Variants in TRHDE observed in about 807,000 individuals in gnomAD.
TRHDE encodes thyrotropin releasing hormone degrading enzyme, also known as thyrotropin-releasing hormone-degrading ectoenzyme.
TRHDE carries 72 observed loss-of-function variants against 125.7 expected under a neutral mutation model. The observed-to-expected ratio is 0.57, with a 90% CI of 0.47 to 0.70. The LOEUF (loss-of-function observed/expected upper bound fraction) is 0.70, where lower values mean the gene tolerates loss of function less well. Among genes scored for constraint, TRHDE ranks in the 30% least tolerant of loss-of-function variants. The probability of loss-of-function intolerance (pLI) is 0.00; values close to 1 mark genes in which losing one functional copy is unlikely to be tolerated. For synonymous variants in TRHDE, 509 were observed against 509.1 expected, an observed-to-expected ratio of 1.00 and a Z score of 0.00; for missense variants, 1,110 against 1,327.1, an observed-to-expected ratio of 0.84 and a Z score of 2.54.
chr12:72,261,628 TG>T (rs1878952594), intron 2 of TRHDE, among the ~76,000 whole-genome samples: 1 of 152,200 alleles, frequency 6.6e-6, no homozygotes, highest in Non-Finnish European at 1.5e-5. Context: ...CTTTTGCTGC[TG>T]ACATGCTTTC....
chr12:72,518,956 G>T (rs1193636082), intron 6 of TRHDE, among the ~76,000 whole-genome samples: 2 of 152,160 alleles, frequency 1.3e-5, no homozygotes, highest in African/African-American at 2.4e-5. Flanking sequence ...TTTTCTTTAA[G>T]AATGTTGAAT....
In TRHDE at chr12:72,664,652, C is replaced by T. The variant is rs1440147647; in HGVS notation, c.*1457C>T. On this transcript the variant is annotated 3_prime_UTR_variant, in exon 19 of 19. Transcript: ENST00000261180. ...TTACCAGTATAAAATACCAATGCAACTACTCTACATAGCCAAATGTTTGTA... is the reference window on the plus strand; with the variant it reads ...TTACCAGTATAAAATACCAATGCAATTACTCTACATAGCCAAATGTTTGTA... 2 of 152,130 alleles carry T rather than the reference C, an allele frequency of 1.3e-5. No individual in the cohort carries two copies. The highest frequency in any genetic ancestry group is 2.9e-5 in the Non-Finnish European group (2 of 68,012). 9.4% of individuals were successfully genotyped at this position (152,130 alleles called of 1,614,324 possible). A position where few individuals can be genotyped will look rare whatever the true frequency, so the allele number is the denominator to read the frequency against.
chr12:72,597,173 T>C (rs1871976064), intron 12 of TRHDE, among the ~76,000 whole-genome samples: 1 of 152,234 alleles, frequency 6.6e-6, no homozygotes, highest in Non-Finnish European at 1.5e-5. Flanking sequence ...TAAGTGTCTC[T>C]AGTTATACAC....
chr12:72,476,554 G>T (rs1371773081), intron 5 of TRHDE, among the ~76,000 whole-genome samples: 2 of 152,176 alleles, frequency 1.3e-5, no homozygotes, highest in Non-Finnish European at 2.9e-5. Context: ...GTAAGTGCAT[G>T]GCTTAAGGTT....
At chr12:72,430,386 T>C (rs1318585498) in intron 3 of TRHDE, among the ~76,000 whole-genome samples, 1 of 143,234 alleles carries the variant, frequency 7.0e-6, no homozygotes, top group Non-Finnish European at 1.5e-5. Context: ...TATACATGTA[T>C]ATATATACAC....
At chr12:72,310,128 C>T (rs924014038) in intron 2 of TRHDE, among the ~76,000 whole-genome samples, 6 of 152,170 alleles carry the variant, frequency 3.9e-5, no homozygotes, top group Non-Finnish European at 8.8e-5. Context: ...GTCTGGAGCC[C>T]TATTGCCTGT....
intron 2 of TRHDE, among the ~76,000 whole-genome samples, chr12:72,229,982 A>G (rs1185876269): frequency 6.6e-6 from 1 of 152,174 alleles, no homozygotes; most frequent in African/African-American, 2.4e-5. Context: ...TTTTTACAAT[A>G]TAAGAAATGA....
In TRHDE at chr12:72,172,324, C is replaced by T. The variant is rs144480435; in HGVS notation, n.279+66572C>T. On this transcript the variant is annotated intron_variant and non_coding_transcript_variant, in intron 2 of 4. Coordinates refer to the TRHDE transcript ENST00000548156. The stretch of plus-strand genomic sequence containing the variant: ...CCTTGATTCAAGAATTACTGCATGC[C>T]AGATACAATTCTAAGCCTTTCACAA... Among the ~76,000 whole-genome samples the T allele has an allele frequency of 1.1e-3, 160 of 152,238 alleles. 1 individual carries two copies. The highest frequency in any genetic ancestry group is 3.7e-3 in the African/African-American group (155 of 41,536).
At chr12:72,609,241 G>A (rs747346284) in intron 12 of TRHDE, among the ~76,000 whole-genome samples, 83 of 152,178 alleles carry the variant, frequency 5.5e-4, no homozygotes, top group Non-Finnish European at 8.5e-4. Context: ...AAATCATTCC[G>A]AACATGTAAA....
At chr12:72,336,985 A>T (rs1307017872) in intron 2 of TRHDE, among the ~76,000 whole-genome samples, 1 of 152,200 alleles carries the variant, frequency 6.6e-6, no homozygotes, top group Non-Finnish European at 1.5e-5. Flanking sequence ...AGAAATGCAG[A>T]ATCTCAGGTT....
intron 2 of TRHDE, among the ~76,000 whole-genome samples, chr12:72,356,973 G>A (rs944837669): frequency 1.3e-5 from 2 of 151,446 alleles, no homozygotes; most frequent in Non-Finnish European, 3.0e-5. Flanking sequence ...ATGACATAAT[G>A]CCTGTGATTT....
At chr12:72,172,537 T>G (rs1876896024) in intron 2 of TRHDE, among the ~76,000 whole-genome samples, 1 of 152,170 alleles carries the variant, frequency 6.6e-6, no homozygotes. Flanking sequence ...AATTAATGTA[T>G]TCCAGTTTAG....
intron 15 of TRHDE, among the ~76,000 whole-genome samples, chr12:72,629,147 C>T (rs542906303): frequency 7.9e-5 from 12 of 151,882 alleles, no homozygotes; most frequent in African/African-American, 1.7e-4. Context: ...AATGCATTAA[C>T]GACTTTATAT....
chr12:72,455,845 G>A (rs934250967), intron 3 of TRHDE, among the ~76,000 whole-genome samples: 1 of 151,868 alleles, frequency 6.6e-6, no homozygotes, highest in African/African-American at 2.4e-5. Context: ...GTATAGCTTG[G>A]TTTTAATCTT....
chr12:72,181,590 G>A (rs963216751), intron 2 of TRHDE, among the ~76,000 whole-genome samples: 1 of 152,152 alleles, frequency 6.6e-6, no homozygotes, highest in Non-Finnish European at 1.5e-5. Context: ...CTAGTTATAT[G>A]TAGCATGATT....
intron 2 of TRHDE, among the ~76,000 whole-genome samples, chr12:72,209,030 T>C (rs1877724281): frequency 6.6e-6 from 1 of 152,186 alleles, no homozygotes; most frequent in African/African-American, 2.4e-5. Flanking sequence ...TTCTTGACCT[T>C]TTCAGATTGG....
chr12:72,215,040 G>A (rs1360420449), intron 2 of TRHDE, among the ~76,000 whole-genome samples: 2 of 152,146 alleles, frequency 1.3e-5, no homozygotes, highest in African/African-American at 4.8e-5. Flanking sequence ...CCACGAAACA[G>A]GCTTTGTGTG....
chr12:72,404,136 G>A (rs1173964681), intron 3 of TRHDE, among the ~76,000 whole-genome samples: 1 of 152,158 alleles, frequency 6.6e-6, no homozygotes, highest in East Asian at 1.9e-4. Context: ...ACCGAGGGCT[G>A]AGCTTGGTGG....
chr12:72,472,838 T>C (rs1329866775), intron 4 of TRHDE, among the ~76,000 whole-genome samples: 1 of 152,206 alleles, frequency 6.6e-6, no homozygotes, highest in Non-Finnish European at 1.5e-5. Flanking sequence ...TTTGTGTTCA[T>C]TGATTATTCT....
Sources: gnomAD v4.1 joint callset for allele counts (sites outside exome capture counted in the v4.1 genomes callset) on GRCh38, gnomAD v4.1.1 for gene constraint, MANE v1.5 for transcripts, NCBI Gene and HGNC (gene_info 2026-07-23, HGNC 2026-07-21) for gene names.